The following ANKHD1 variants were observed in gnomAD, a reference collection of about 807,000 sequenced individuals.
ANKHD1 encodes ankyrin repeat and KH domain-containing protein 1.
ANKHD1 carries 31 observed loss-of-function variants against 230.5 expected under a neutral mutation model. The ratio of observed to expected loss-of-function variants is 0.13; its 90% CI spans 0.10 to 0.18. The LOEUF is 0.18. Among genes scored for constraint, ANKHD1 ranks in the 10% least tolerant of loss-of-function variants. ANKHD1 has a pLI of 1.00. For synonymous variants in ANKHD1, 1,074 were observed against 1,117.6 expected (o/e 0.96, Z 0.78); for missense variants, 2,256 against 3,071.3 (o/e 0.73, Z 6.27).
At chr5:140,454,937 T>G (rs553422873) in intron 7 of ANKHD1, among the ~76,000 whole-genome samples, 127 of 152,108 alleles carry the variant, frequency 8.3e-4, no homozygotes, top group Middle Eastern at 6.8e-3. Context: ...GCTGGTTTTT[T>G]GAAAAGATCA....
In ANKHD1 at chr5:140,524,206, A is replaced by G. The variant is rs373608314; in HGVS notation, c.4458A>G (p.Pro1486=). The change falls in exon 25 of 34, where the codon CCA becomes CCG. Residue 1486 remains proline (P), a synonymous_variant. Coordinates refer to ENST00000360839, the MANE Select transcript of ANKHD1 (RefSeq NM_017747.3). ...AACCTAAGGAGAATTCGGAACTACCAGAGGATGAAGATGAAGAGGAGAATG... is the reference window on the plus strand; with the variant it reads ...AACCTAAGGAGAATTCGGAACTACCGGAGGATGAAGATGAAGAGGAGAATG... ...ENKPKENSEL[P]EDEDEEENDE... The G allele has an allele frequency of 1.0e-4, 160 of 1,590,220 alleles. No individual in the cohort carries two copies. The highest frequency in any genetic ancestry group is 3.3e-4 in the Middle Eastern group (2 of 6,000).
intron 10 of ANKHD1, among the ~76,000 whole-genome samples, chr5:140,479,079 A>G (rs997844799): frequency 5.3e-5 from 8 of 150,646 alleles, no homozygotes; most frequent in African/African-American, 2.0e-4. Flanking sequence ...GCTCGCTGCA[A>G]GCTCCGCCTT....
chr5:140,510,740 T>G lies in ANKHD1; in HGVS notation c.4104+559T>G, dbSNP rs545561200. On this transcript the variant is annotated intron_variant, in intron 22 of 33. Transcript: ENST00000360839. Reference sequence around the variant, plus strand: ...AGAAGATTTAAGAAAAACTATTATATGCAGATGGATTTTTTTGTGCCTAAA... The same window carrying G: ...AGAAGATTTAAGAAAAACTATTATAGGCAGATGGATTTTTTTGTGCCTAAA... Among the ~76,000 whole-genome samples, 4 of 152,296 alleles carry G rather than the reference T, an allele frequency of 2.6e-5. No individual in the cohort carries two copies. The East Asian group carries it at 7.7e-4, about 29-fold the overall frequency.
intron 14 of ANKHD1, 77 bp from the exon 15 acceptor site, chr5:140,496,443 C>CTTTTTT (rs368980981): frequency 4.2e-6 from 3 of 721,168 alleles, no homozygotes; most frequent in Non-Finnish European, 5.4e-6. Context: ...GGCTGGTTTT[C>CTTTTTT]TTTTTTTTTT....
chr5:140,422,785 G>A (rs188144162), intron 1 of ANKHD1, among the ~76,000 whole-genome samples: 130 of 147,550 alleles, frequency 8.8e-4, no homozygotes, highest in African/African-American at 3.1e-3. Flanking sequence ...ACTCCAGCCT[G>A]GGTGACGGAG....
intron 1 of ANKHD1, among the ~76,000 whole-genome samples, chr5:140,426,524 A>ATTTATTTATTTT (rs1772426352): frequency 6.6e-6 from 1 of 150,812 alleles, no homozygotes; most frequent in African/African-American, 2.5e-5. Context: ...TTATTTATTT[A>ATTTATTTATTTT]TTTATTTTTT....
In ANKHD1 at chr5:140,509,648, C is replaced by T; in HGVS notation, c.3777C>T (p.Thr1259=). 6.4e-7 allele frequency: 1 copy of T among 1,573,738 alleles called. No individual in the cohort carries two copies. The highest frequency in any genetic ancestry group is 1.2e-5 in the South Asian group (1 of 83,448). The change falls in exon 21 of 34, where the codon ACC becomes ACT. Residue 1259 remains threonine, a synonymous_variant. Coordinates refer to ENST00000360839, the MANE Select transcript of ANKHD1 (RefSeq NM_017747.3). ...ATTGGTTTAAACAGACGGGTCTTAC[C>T]CCCTTGATGGAAGCAGCTTCTGGAG... ...NVEHRAKTGL[T]PLMEAASGGY... is the part of the protein sequence containing the mutation.
intron 1 of ANKHD1, among the ~76,000 whole-genome samples, chr5:140,435,458 A>G (rs904500383): frequency 1.3e-4 from 20 of 150,318 alleles, no homozygotes; most frequent in African/African-American, 4.4e-4. Context: ...GCTCACAGCA[A>G]CCTGCGTCTT....
At position 140,401,990 on chromosome 5, in the gene ANKHD1, G is replaced by C. The variant is rs776632730; in HGVS notation, c.23G>C (p.Gly8Ala). MLTDSGG[G>A]GTSFEEDLDS... ...ACAATGCTGACTGATAGCGGAGGCG[G>C]CGGCACCTCCTTTGAGGAGGACCTG... Residue 8 changes from glycine (G) to alanine (A), a missense_variant, in exon 1 of 34, where the codon GGC becomes GCC. Transcript: ENST00000360839. 1 of 1,559,948 alleles carries C rather than the reference G, an allele frequency of 6.4e-7. No individual in the cohort carries two copies. Among genetic ancestry groups the C allele is most frequent in the Admixed American group, 2.0e-5 (1 of 51,220 alleles).
At chr5:140,494,875 C>T (rs1207139347) in intron 14 of ANKHD1, among the ~76,000 whole-genome samples, 1 of 152,172 alleles carries the variant, frequency 6.6e-6, no homozygotes, top group African/African-American at 2.4e-5. Flanking sequence ...CAGCTTTTCT[C>T]AAACAGCTTT....
intron 10 of ANKHD1, chr5:140,472,406 G>A: frequency 6.8e-7 from 1 of 1,472,318 alleles, no homozygotes; most frequent in Non-Finnish European, 9.0e-7. Context: ...ACCCTGCTGG[G>A]TGACAAAGGA....
At chr5:140,410,462 G>A (rs1770838388) in intron 1 of ANKHD1, among the ~76,000 whole-genome samples, 2 of 151,950 alleles carry the variant, frequency 1.3e-5, no homozygotes, top group African/African-American at 4.8e-5. Context: ...AATAAAATAT[G>A]TTACTTTAAA....
chr5:140,497,299 G>A, intron 15 of ANKHD1, 21 bp downstream of exon 15: 1 of 1,574,134 alleles, frequency 6.4e-7, no homozygotes, highest in Non-Finnish European at 8.6e-7. Context: ...AAATATATCT[G>A]TAATAATTTC....
At chr5:140,537,624 C>A in intron 31 of ANKHD1, 35 bp downstream of exon 31, 1 of 1,493,166 alleles carries the variant, frequency 6.7e-7, no homozygotes, top group Non-Finnish European at 8.9e-7. Flanking sequence ...GGAGGGATAT[C>A]TTAAGTAAGC....
chr5:140,430,613 T>C (rs2126897532), intron 1 of ANKHD1, among the ~76,000 whole-genome samples: 1 of 151,990 alleles, frequency 6.6e-6, no homozygotes, highest in South Asian at 2.1e-4. Context: ...GAATTTGTCA[T>C]ATTTAACATA....
intron 2 of ANKHD1, among the ~76,000 whole-genome samples, chr5:140,437,023 T>G (rs1266211463): frequency 6.6e-6 from 1 of 152,202 alleles, no homozygotes; most frequent in Non-Finnish European, 1.5e-5. Flanking sequence ...CCGTTTTCTG[T>G]CAAGGTTTAC....
In ANKHD1 at chr5:140,486,844, A is replaced by C. The variant is rs1026901602; in HGVS notation, c.2143-114A>C. 3 of 1,088,806 alleles carry C rather than the reference A, an allele frequency of 2.8e-6. No homozygotes were observed. The African/African-American group carries it at 4.8e-5, about 17-fold the overall frequency. The allele number at this position is 1,088,806 out of a possible 1,614,324, so 67.4% of individuals were successfully genotyped here. On this transcript the variant is annotated intron_variant, in intron 13 of 33. Transcript: ENST00000360839. ...TTTTTTAAAAAAAGCTTCAGGAAAC[A>C]AAAGTGCATTTGGTGGTATATGAAG...
chr5:140,507,327 G>A lies in ANKHD1; in HGVS notation c.3551+350G>A, dbSNP rs1243250059. On this transcript the variant is annotated intron_variant, in intron 19 of 33. Transcript: ENST00000360839. This position sits in a 1 kb window ranked among gnomAD's most constrained non-coding sequence, Gnocchi z 4.1. ...ATTTTTTAAGTTATTTATTTTTTGAGATGGAGTTTCGCTCTTGTTGCCCAG... is the reference window on the plus strand; with the variant it reads ...ATTTTTTAAGTTATTTATTTTTTGAAATGGAGTTTCGCTCTTGTTGCCCAG... Among the ~76,000 whole-genome samples, 1 of 152,176 alleles carries A rather than the reference G, an allele frequency of 6.6e-6. No homozygotes were observed. Among genetic ancestry groups the A allele is most frequent in the Admixed American group, 6.5e-5 (1 of 15,280 alleles).
rs369050977 is a variant in ANKHD1 at position 140,440,149 on chromosome 5, G to A, written c.648G>A (p.Gly216=). Residue 216 remains glycine, a synonymous_variant, in exon 4 of 34, where the codon GGG becomes GGA. Transcript: ENST00000360839. Reference sequence around the variant, plus strand: ...GTCTAGCAGAAGCTTGTTCAGATGGGGATGTTAATGCTGTTCGTAAATTGC... The same window carrying A: ...GTCTAGCAGAAGCTTGTTCAGATGGAGATGTTAATGCTGTTCGTAAATTGC... The part of the protein sequence containing the change: ...TRSLAEACSD[G]DVNAVRKLLD... 6.8e-6 allele frequency: 11 copies of A among 1,610,862 alleles called. No individual in the cohort carries two copies. Among genetic ancestry groups the A allele is most frequent in the African/African-American group, 4.0e-5 (3 of 74,700 alleles).
Sources: allele counts gnomAD v4.1 joint callset (sites outside exome capture counted in the v4.1 genomes callset), GRCh38; gene constraint gnomAD v4.1.1; non-coding constraint Gnocchi (gnomAD v3.1); transcripts MANE v1.5; gene names NCBI Gene and HGNC (gene_info 2026-07-23, HGNC 2026-07-21).